Variants in USP9X observed in about 807,000 individuals in gnomAD.
USP9X encodes ubiquitin specific peptidase 9 X-linked, also known as ubiquitin carboxyl-terminal hydrolase 9X.
Under a neutral mutation model 190.3 loss-of-function variants are expected in USP9X, and 7 were observed. The ratio of observed to expected loss-of-function variants is 0.04; its 90% CI spans 0.02 to 0.07. The LOEUF is 0.07. USP9X is among the 10% of genes least tolerant of loss of function. The pLI, the probability that USP9X is intolerant of heterozygous loss-of-function variation, is 1.00. For missense variants in USP9X, 1,010 were observed against 1,916.9 expected (o/e 0.53, Z 8.83); for synonymous variants, 645 against 659.5 (o/e 0.98, Z 0.34).
In USP9X at chrX:41,186,830, A is replaced by AT. The variant is rs34817628; in HGVS notation, c.3684+202dup. On this transcript the variant is annotated intron_variant, in intron 24 of 44. Transcript: ENST00000378308. ...CCTTTTAAAGTATACAGATGGGGTGATTTTTTTTTTTTTTGAGACGGAGTC... is the reference window on the plus strand; with the variant it reads ...CCTTTTAAAGTATACAGATGGGGTGATTTTTTTTTTTTTTTGAGACGGAGTC... Among the ~76,000 whole-genome samples the AT allele has an allele frequency of 0.28, 28,760 of 101,016 alleles. 3,924 individuals carry two copies. Among genetic ancestry groups the AT allele is most frequent in the Non-Finnish European group, 0.39 (19,478 of 49,580 alleles). 87.7% of individuals were successfully genotyped at this position (101,016 alleles called of 115,157 possible).
Position 41,197,346 on chromosome X carries a change from A to ACCCCCCCC in USP9X, c.4234-12_4234-11insCCCCCCCC. 2 of 288,151 alleles carry ACCCCCCCC rather than the reference A, an allele frequency of 6.9e-6. No individual in the cohort carries two copies. The highest frequency in any genetic ancestry group is 8.2e-5 in the Admixed American group (1 of 12,240). 23.7% of individuals were successfully genotyped at this position (288,151 alleles called of 1,213,427 possible). A position where few individuals can be genotyped will look rare whatever the true frequency, so the allele number is the denominator to read the frequency against. ...TTTGATTTCTTCCCCCCCCCACCCC[A>ACCCCCCCC]CCCCCCGCCTTTGGCAGGATGATGT... On this transcript the variant is annotated splice_polypyrimidine_tract_variant and intron_variant, in intron 28 of 44. Coordinates refer to ENST00000378308, the MANE Select transcript of USP9X (RefSeq NM_001039591.3).
At position 41,229,771 on chromosome X, in the gene USP9X, C is replaced by G; in HGVS notation, c.7423C>G (p.Pro2475Ala). The change falls in exon 43 of 45, where the codon CCA becomes GCA. Residue 2475 changes from proline to alanine, a missense_variant. Around this residue, in one of 11 missense-constraint regions of USP9X, gnomAD observed 48 missense variants for 60.4 expected, o/e 0.79. Coordinates refer to ENST00000378308, the MANE Select transcript of USP9X (RefSeq NM_001039591.3). Reference protein sequence around the residue: ...MTLAKACELCPEEEPDDQDAP... With the variant: ...MTLAKACELCAEEEPDDQDAP... ...ACTTGCAAAAGCTTGTGAACTCTGT[C>G]CAGAGGAGGTAAAAAAAGCCACCAG... is the stretch of plus-strand genomic sequence containing the variant. 8.3e-7 allele frequency: 1 copy of G among 1,211,373 alleles called. No individual in the cohort carries two copies. Among genetic ancestry groups the G allele is most frequent in the Non-Finnish European group, 1.1e-6 (1 of 895,410 alleles).
At chrX:41,135,435 T>A (rs764996902) in intron 5 of USP9X, among the ~76,000 whole-genome samples, 17 of 111,730 alleles carry the variant, frequency 1.5e-4, no homozygotes, top group Non-Finnish European at 2.8e-4. Context: ...TGGTCTCATG[T>A]CGGTAGTGCC....
At chrX:41,219,775 C>G (rs1263869459) in intron 38 of USP9X, among the ~76,000 whole-genome samples, 3 of 111,997 alleles carry the variant, frequency 2.7e-5, no homozygotes, top group African/African-American at 9.7e-5. Context: ...ATTGCTTGAG[C>G]CCAGGAGACT....
At chrX:41,131,822 G>A (rs919132760) in intron 4 of USP9X, among the ~76,000 whole-genome samples, 2 of 111,736 alleles carry the variant, frequency 1.8e-5, no homozygotes, top group Non-Finnish European at 3.8e-5. Context: ...GGTCTTATCT[G>A]TTATGGGAAA....
At chrX:41,194,032 A>G (rs1476153946) in intron 26 of USP9X, among the ~76,000 whole-genome samples, 3 of 111,848 alleles carry the variant, frequency 2.7e-5, no homozygotes, top group Non-Finnish European at 5.6e-5. Flanking sequence ...GGAATAGCAT[A>G]CCTTTGAAAA....
intron 31 of USP9X, 83 bp downstream of exon 31, chrX:41,201,363 T>G (rs765984602): frequency 3.9e-4 from 360 of 928,484 alleles, no homozygotes; most frequent in Non-Finnish European, 4.5e-4. Context: ...GTGTTATACT[T>G]TCATCAAACG....
At chrX:41,098,138 TC>T (rs1397694006) in intron 1 of USP9X, among the ~76,000 whole-genome samples, 1 of 107,344 alleles carries the variant, frequency 9.3e-6, no homozygotes, top group Non-Finnish European at 1.9e-5. Context: ...TACCCTGACC[TC>T]TTTTTTTTTT....
chrX:41,155,084 C>A (rs1183172565), intron 14 of USP9X, among the ~76,000 whole-genome samples: 2 of 111,787 alleles, frequency 1.8e-5, no homozygotes, highest in Admixed American at 9.5e-5. Flanking sequence ...GGTTACTTGG[C>A]ATGATAACAT....
At chrX:41,134,146 A>G (rs2062350145) in intron 4 of USP9X, among the ~76,000 whole-genome samples, 2 of 112,398 alleles carry the variant, frequency 1.8e-5, no homozygotes, top group Non-Finnish European at 3.8e-5. Flanking sequence ...TTAAATTACC[A>G]TCTCTTTTGT....
chrX:41,204,413 G>GT lies in USP9X; in HGVS notation c.4825-874dup, dbSNP rs35557222. Among the ~76,000 whole-genome samples, 490 of 94,956 alleles carry GT rather than the reference G, an allele frequency of 5.2e-3. 1 individual carries two copies. The highest frequency in any genetic ancestry group is 0.01 in the Middle Eastern group (2 of 197). The allele number at this position is 94,956 out of a possible 115,157, so 82.5% of individuals were successfully genotyped here. On this transcript the variant is annotated intron_variant, in intron 31 of 44. Coordinates refer to ENST00000378308, the MANE Select transcript of USP9X (RefSeq NM_001039591.3). ...CAGTGTCTTGAAGCTTTTGCCCTAT[G>GT]TTTTTTTTTTTTTTTTAACAGTTCT...
At chrX:41,163,481 G>A (rs772244765) in intron 15 of USP9X, among the ~76,000 whole-genome samples, 97 of 111,303 alleles carry the variant, frequency 8.7e-4, no homozygotes, top group African/African-American at 3.0e-3. Context: ...GTCAGGCACG[G>A]TGGCTCACAC....
At chrX:41,102,686 T>A (rs1390222717) in intron 1 of USP9X, among the ~76,000 whole-genome samples, 2 of 112,285 alleles carry the variant, frequency 1.8e-5, no homozygotes, top group Non-Finnish European at 3.8e-5. Flanking sequence ...AATGAGATCT[T>A]TCTTTTCAGT....
At chrX:41,113,607 A>G (rs2062125277) in intron 1 of USP9X, among the ~76,000 whole-genome samples, 1 of 112,484 alleles carries the variant, frequency 8.9e-6, no homozygotes, top group African/African-American at 3.2e-5. Flanking sequence ...TGATTTATAC[A>G]TTCACATTAT....
intron 15 of USP9X, among the ~76,000 whole-genome samples, chrX:41,163,445 A>G (rs1448729676): frequency 9.0e-6 from 1 of 111,567 alleles, no homozygotes; most frequent in Non-Finnish European, 1.9e-5. Context: ...CAGATGTGCA[A>G]AGTGCCTTTG....
At chrX:41,139,074 C>A (rs183048536) in intron 6 of USP9X, among the ~76,000 whole-genome samples, 1 of 112,441 alleles carries the variant, frequency 8.9e-6, no homozygotes, top group African/African-American at 3.2e-5. Flanking sequence ...TAGACTAATT[C>A]TTTACTGTGT....
chrX:41,224,636 A>T, intron 39 of USP9X, 106 bp from the exon 40 acceptor site: 1 of 707,659 alleles, frequency 1.4e-6, no homozygotes, highest in Non-Finnish European at 2.0e-6. Flanking sequence ...ACTCCATCTT[A>T]AAAAAAATAA....
intron 4 of USP9X, 92 bp from the exon 5 acceptor site, chrX:41,134,633 C>A: frequency 1.4e-6 from 1 of 708,204 alleles, no homozygotes; most frequent in South Asian, 3.0e-5. Context: ...GTGAAGTTTC[C>A]AGTTATTTAT....
intron 10 of USP9X, among the ~76,000 whole-genome samples, chrX:41,144,287 C>G (rs2062446896): frequency 9.8e-6 from 1 of 101,745 alleles, no homozygotes; most frequent in African/African-American, 3.6e-5. Context: ...TGGCTCGATA[C>G]CGGCTCACTG....
Sources: gnomAD v4.1 joint callset for allele counts (sites outside exome capture counted in the v4.1 genomes callset) on GRCh38, gnomAD v4.1.1 for gene constraint, gnomAD v4.1.1 regional missense constraint, MANE v1.5 for transcripts, NCBI Gene and HGNC (gene_info 2026-07-23, HGNC 2026-07-21) for gene names.